Variants in GIPC1 observed in about 807,000 individuals in gnomAD.
The protein encoded by GIPC1 is PDZ domain-containing protein GIPC1.
GIPC1 carries 15 observed loss-of-function variants against 28.5 expected under a neutral mutation model. That is an observed-to-expected ratio of 0.53 (90% CI 0.35 to 0.81). The LOEUF (loss-of-function observed/expected upper bound fraction) is 0.81. Ranked by LOEUF, GIPC1 falls within the 30% of genes least tolerant of loss-of-function variation. The pLI is 0.01. For synonymous variants in GIPC1, 224 were observed against 206.1 expected (o/e 1.09, Z -0.74); for missense variants, 439 against 481.9 (o/e 0.91, Z 0.83).
At chr19:14,487,215 TTTTC>T (rs1271966556) in intron 3 of GIPC1, among the ~76,000 whole-genome samples, 2 of 151,396 alleles carry the variant, frequency 1.3e-5, no homozygotes, top group East Asian at 1.9e-4. Flanking sequence ...GCCTTTCTTT[TTTTC>T]TTTTTTTTCT....
Position 14,480,607 on chromosome 19 carries a change from A to G in GIPC1, c.460T>C (p.Tyr154His), listed in dbSNP as rs772289279. The G allele has an allele frequency of 6.2e-7, 1 of 1,614,086 alleles. No homozygotes were observed. The highest frequency in any genetic ancestry group is 1.7e-5 in the Admixed American group (1 of 60,020). ...GLTITDNGAG[Y>H]AFIKRIKEGS... Reference sequence around the variant, plus strand: ...TCCCCAGGCACCTTGATGAAGGCGTAGCCAGCCCCGTTGTCCGTGATGGTG... The same window carrying G: ...TCCCCAGGCACCTTGATGAAGGCGTGGCCAGCCCCGTTGTCCGTGATGGTG... The change falls in exon 5 of 9, where the codon TAC (tyrosine) becomes CAC (histidine). Residue 154 changes from tyrosine to histidine, a missense_variant. Transcript: ENST00000393033.
chr19:14,478,231 G>C lies in GIPC1; in HGVS notation c.*185C>G, dbSNP rs959820097. The C allele has an allele frequency of 1.7e-6, 1 of 590,492 alleles. No homozygotes were observed. The highest frequency in any genetic ancestry group is 2.9e-6 in the Non-Finnish European group (1 of 348,294). The allele number at this position is 590,492 out of a possible 1,614,324, so 36.6% of individuals were successfully genotyped here. On this transcript the variant is annotated 3_prime_UTR_variant, in exon 9 of 9. Coordinates refer to ENST00000393033, the MANE Select transcript of GIPC1 (RefSeq NM_005716.4). This position sits in a 1 kb window ranked among gnomAD's most constrained non-coding sequence, Gnocchi z 5.2. Reference sequence around the variant, plus strand: ...GGGGCCGGGGACCCCGGCCAGACTGGGAACCAGGGAGGGGATGGTACCGAT... The same window carrying C: ...GGGGCCGGGGACCCCGGCCAGACTGCGAACCAGGGAGGGGATGGTACCGAT...
At chr19:14,490,835 C>G (rs1029344344) in intron 3 of GIPC1, among the ~76,000 whole-genome samples, 1 of 143,238 alleles carries the variant, frequency 7.0e-6, no homozygotes, top group Non-Finnish European at 1.5e-5. Flanking sequence ...ATTAGCTGGG[C>G]GTGGTGGCAC....
intron 3 of GIPC1, among the ~76,000 whole-genome samples, chr19:14,490,282 C>G (rs567569043): frequency 3.7e-4 from 57 of 152,042 alleles, no homozygotes; most frequent in Middle Eastern, 3.4e-3. Flanking sequence ...AGGAGAATTG[C>G]TTGAACCTGG....
chr19:14,496,059 G>A lies in GIPC1; in HGVS notation c.-197C>T. ...CACCTGCTCCGCCGCCGCCGCCGCCGCCGCCGCCGCCGCCGCTGCCTCCGC... is the reference window on the plus strand; with the variant it reads ...CACCTGCTCCGCCGCCGCCGCCGCCACCGCCGCCGCCGCCGCTGCCTCCGC... On this transcript the variant is annotated 5_prime_UTR_variant, in exon 1 of 9. Transcript: ENST00000393033. The A allele has an allele frequency of 4.0e-6, 1 of 248,102 alleles. No homozygotes were observed. The highest frequency in any genetic ancestry group is 7.0e-5 in the South Asian group (1 of 14,280). The allele number at this position is 248,102 out of a possible 1,614,324, so 15.4% of individuals were successfully genotyped here. A position where few individuals can be genotyped will look rare whatever the true frequency, so the allele number is the denominator to read the frequency against.
At chr19:14,490,032 T>C (rs1175080068) in intron 3 of GIPC1, among the ~76,000 whole-genome samples, 1 of 152,092 alleles carries the variant, frequency 6.6e-6, no homozygotes, top group African/African-American at 2.4e-5. Flanking sequence ...CTGGAAGCAA[T>C]GAGTGCTTGC....
intron 6 of GIPC1, 77 bp from the exon 7 acceptor site, chr19:14,479,601 G>T: frequency 1.4e-6 from 1 of 711,988 alleles, no homozygotes; most frequent in Admixed American, 4.2e-5. Flanking sequence ...TGTCCTTCCT[G>T]GCTTTCACCA....
intron 6 of GIPC1, 49 bp downstream of exon 6, chr19:14,480,256 C>T (rs201196106): frequency 9.9e-6 from 15 of 1,520,466 alleles, no homozygotes; most frequent in African/African-American, 2.7e-5. Flanking sequence ...CCACCGCCTG[C>T]GCCCATGCGA....
At chr19:14,485,738 G>GAGAGAGAGAGACAGACAGAC (rs1555721833) in intron 3 of GIPC1, among the ~76,000 whole-genome samples, 1 of 141,616 alleles carries the variant, frequency 7.1e-6, no homozygotes, top group African/African-American at 2.7e-5. Context: ...GAGAGAGAGA[G>GAGAGAGAGAGACAGACAGAC]AGACAGAGAG....
chr19:14,479,443 C>G lies in GIPC1; in HGVS notation c.737G>C (p.Arg246Pro). ...CTCCACCGTGGCGGGGCCCCGGGAT[C>G]GGAGCCGCAGGGTCCCTCGGCCAGT... ...LGTGRGTLRLRSRGPATVEDL... is the reference protein window; with the variant it reads ...LGTGRGTLRLPSRGPATVEDL... The change falls in exon 7 of 9, where the codon CGA (arginine) becomes CCA (proline). Residue 246 changes from arginine to proline, a missense_variant. Transcript: ENST00000393033. 7.0e-7 allele frequency: 1 copy of G among 1,424,030 alleles called. No homozygotes were observed. The highest frequency in any genetic ancestry group is 9.2e-7 in the Non-Finnish European group (1 of 1,088,250). The allele number at this position is 1,424,030 out of a possible 1,614,324, so 88.2% of individuals were successfully genotyped here. A position where few individuals can be genotyped will look rare whatever the true frequency, so the allele number is the denominator to read the frequency against.
At chr19:14,489,739 T>C in intron 3 of GIPC1, 2 of 666,046 alleles carry the variant, frequency 3.0e-6, no homozygotes, top group African/African-American at 1.8e-5. Flanking sequence ...ACTTTTGTAA[T>C]AGTCAAAAAT....
chr19:14,487,845 TTTTTTA>T (rs978283916), intron 3 of GIPC1, among the ~76,000 whole-genome samples: 2 of 151,796 alleles, frequency 1.3e-5, no homozygotes, highest in African/African-American at 2.4e-5. Context: ...CCCTGCTAAT[TTTTTTA>T]TTTTTATTTT....
At position 14,478,321 on chromosome 19, in the gene GIPC1, C is replaced by T; in HGVS notation, c.*95G>A. ...ATCGTCCTTGGGCTGCTGAGCTAGG[C>T]TCAGGCTGGAGGCTCGGGTCCTGAC... On this transcript the variant is annotated 3_prime_UTR_variant, in exon 9 of 9. Coordinates refer to ENST00000393033, the MANE Select transcript of GIPC1 (RefSeq NM_005716.4). This position sits in a 1 kb window ranked among gnomAD's most constrained non-coding sequence, Gnocchi z 5.2. 7.6e-7 allele frequency: 1 copy of T among 1,312,516 alleles called. No individual in the cohort carries two copies. Among genetic ancestry groups the T allele is most frequent in the Non-Finnish European group, 1.0e-6 (1 of 956,222 alleles). The allele number at this position is 1,312,516 out of a possible 1,614,324, so 81.3% of individuals were successfully genotyped here. A position where few individuals can be genotyped will look rare whatever the true frequency, so the allele number is the denominator to read the frequency against.
At chr19:14,487,696 T>TTTTTTTTTTTTTG (rs2071877788) in intron 3 of GIPC1, among the ~76,000 whole-genome samples, 1 of 150,098 alleles carries the variant, frequency 6.7e-6, no homozygotes, top group Admixed American at 6.6e-5. Context: ...TTTTTTTTTT[T>TTTTTTTTTTTTTG]GACAGAGTCT....
rs1207325026 is a variant in GIPC1, at chr19:14,478,534, C to T, written c.884G>A (p.Arg295Lys). Reference protein sequence around the residue: ...ATMVELGKDKRNPDELAEALD... With the variant: ...ATMVELGKDKKNPDELAEALD... ...GGCCTCGGCCAGCTCATCCGGGTTCCTTTTGTCCTTTCCCAGCTCCACCAT... is the reference window on the plus strand; with the variant it reads ...GGCCTCGGCCAGCTCATCCGGGTTCTTTTTGTCCTTTCCCAGCTCCACCAT... Residue 295 changes from arginine to lysine, a missense_variant, in exon 9 of 9, where the codon AGG becomes AAG. Arg to Lys is a conservative substitution (Grantham distance 26, BLOSUM62 2). Transcript: ENST00000393033. The surrounding 1 kb of genome is among the most constrained non-coding windows in gnomAD (Gnocchi z 5.2). 1 of 1,614,114 alleles carries T rather than the reference C, an allele frequency of 6.2e-7. No homozygotes were observed. Among genetic ancestry groups the T allele is most frequent in the African/African-American group, 1.3e-5 (1 of 75,054 alleles).
intron 3 of GIPC1, among the ~76,000 whole-genome samples, chr19:14,490,116 T>A (rs919070408): frequency 2.0e-5 from 3 of 152,100 alleles, no homozygotes; most frequent in East Asian, 1.9e-4. Flanking sequence ...CTGTAATCCC[T>A]GCACTTTGGG....
chr19:14,479,977 TG>T, intron 6 of GIPC1: 1 of 477,922 alleles, frequency 2.1e-6, no homozygotes, highest in Non-Finnish European at 3.7e-6. Flanking sequence ...TGAAGCCAGA[TG>T]GAAAAGTGGG....
At chr19:14,479,991 G>T in intron 6 of GIPC1, 3 of 525,130 alleles carry the variant, frequency 5.7e-6, no homozygotes, top group Non-Finnish European at 6.8e-6. Context: ...AAAGTGGGGG[G>T]GCTGGCACTG....
chr19:14,478,498 C>T lies in GIPC1; in HGVS notation c.920G>A (p.Arg307Gln), dbSNP rs770090326. The T allele has an allele frequency of 1.5e-5, 24 of 1,613,850 alleles. 1 individual carries two copies. Among genetic ancestry groups the T allele is most frequent in the Middle Eastern group, 1.6e-4 (1 of 6,084 alleles). Residue 307 changes from arginine to glutamine, a missense_variant, in exon 9 of 9, where the codon CGG (arginine) becomes CAG (glutamine). Coordinates refer to ENST00000393033, the MANE Select transcript of GIPC1 (RefSeq NM_005716.4). This position sits in a 1 kb window ranked among gnomAD's most constrained non-coding sequence, Gnocchi z 5.2. ...GTCAGGGAAGGCAAAGTCACCCAGC[C>T]GTTCGTCCAGGGCCTCGGCCAGCTC... ...PDELAEALDE[R>Q]LGDFAFPDEF...
Sources: gnomAD v4.1 joint callset for allele counts (sites outside exome capture counted in the v4.1 genomes callset) on GRCh38, gnomAD v4.1.1 for gene constraint, Gnocchi (gnomAD v3.1) non-coding constraint, MANE v1.5 for transcripts, NCBI Gene and HGNC (gene_info 2026-07-23, HGNC 2026-07-21) for gene names.